Variants in ROBO3 observed in about 807,000 individuals in gnomAD.
ROBO3 encodes the protein roundabout homolog 3.
ROBO3 carries 97 observed loss-of-function variants against 160.5 expected under a neutral mutation model. The ratio of observed to expected loss-of-function variants is 0.60; its 90% CI spans 0.51 to 0.72. ROBO3 has a LOEUF of 0.72. ROBO3 is among the 30% of genes least tolerant of loss of function. The probability of loss-of-function intolerance (pLI) is 0.00; values close to 1 mark genes in which losing one functional copy is unlikely to be tolerated. For synonymous variants in ROBO3, 780 were observed against 746.2 expected (o/e 1.05, Z -0.74); for missense variants, 1,858 against 1,846.5 (o/e 1.01, Z -0.11).
At position 124,880,408 on chromosome 11, in the gene ROBO3, T is replaced by C; in HGVS notation, c.3959-10T>C. 6.2e-7 allele frequency: 1 copy of C among 1,613,050 alleles called. No homozygotes were observed. Among genetic ancestry groups the C allele is most frequent in the Non-Finnish European group, 8.5e-7 (1 of 1,179,496 alleles). ...CCTGCACCTGGCTACCCTTCCCTCT[T>C]GTGCTGCAGAAGAGGCCTGGCTCCC... On this transcript the variant is annotated splice_polypyrimidine_tract_variant and intron_variant, in intron 26 of 27. Coordinates refer to ENST00000397801, the MANE Select transcript of ROBO3 (RefSeq NM_022370.4).
chr11:124,872,874 C>T lies in ROBO3; in HGVS notation c.1331-10C>T, dbSNP rs1946296696. 3 of 1,585,302 alleles carry T rather than the reference C, an allele frequency of 1.9e-6. No individual in the cohort carries two copies. The highest frequency in any genetic ancestry group is 2.3e-5 in the East Asian group (1 of 44,430). On this transcript the variant is annotated splice_polypyrimidine_tract_variant and intron_variant, in intron 8 of 27. Transcript: ENST00000397801. This position sits in a 1 kb window ranked among gnomAD's most constrained non-coding sequence, Gnocchi z 4.3. ...CCTCCCCTGAGGTGCACACGTTCTTCCTCTCTCAGCCTCTTTGGATGGGCT... is the reference window on the plus strand; with the variant it reads ...CCTCCCCTGAGGTGCACACGTTCTTTCTCTCTCAGCCTCTTTGGATGGGCT...
chr11:124,870,750 G>A (rs1447269836), intron 6 of ROBO3, 22 bp downstream of exon 6: 1 of 1,606,338 alleles, frequency 6.2e-7, no homozygotes. Flanking sequence ...ACTTGGGACT[G>A]CCTGCAGCAG....
Position 124,869,749 on chromosome 11 carries a change from A to G in ROBO3, c.645+142A>G. 1 of 1,263,690 alleles carries G rather than the reference A, an allele frequency of 7.9e-7. No homozygotes were observed. The highest frequency in any genetic ancestry group is 1.1e-6 in the Non-Finnish European group (1 of 920,674). The allele number at this position is 1,263,690 out of a possible 1,614,324, so 78.3% of individuals were successfully genotyped here. A position where few individuals can be genotyped will look rare whatever the true frequency, so the allele number is the denominator to read the frequency against. ...TACAGTGAGGGATAAGGAAGACGGAATTGGTATAAAAAAGGGGCGGGGGCA... is the reference window on the plus strand; with the variant it reads ...TACAGTGAGGGATAAGGAAGACGGAGTTGGTATAAAAAAGGGGCGGGGGCA... On this transcript the variant is annotated intron_variant, in intron 3 of 27. Coordinates refer to ENST00000397801, the MANE Select transcript of ROBO3 (RefSeq NM_022370.4). The surrounding 1 kb of genome is among the most constrained non-coding windows in gnomAD (Gnocchi z 4.2).
In ROBO3 at chr11:124,869,851, A is replaced by C; in HGVS notation, c.646-97A>C. ...CTTTATCAGCTTGCTGTGAGGATCA[A>C]ATAAACTTTATACATATGTATATAC... On this transcript the variant is annotated intron_variant, in intron 3 of 27. Transcript: ENST00000397801. This position sits in a 1 kb window ranked among gnomAD's most constrained non-coding sequence, Gnocchi z 4.2. 6.7e-7 allele frequency: 1 copy of C among 1,482,426 alleles called. No individual in the cohort carries two copies. The highest frequency in any genetic ancestry group is 2.5e-5 in the East Asian group (1 of 40,280). The allele number at this position is 1,482,426 out of a possible 1,614,324, so 91.8% of individuals were successfully genotyped here. A position where few individuals can be genotyped will look rare whatever the true frequency, so the allele number is the denominator to read the frequency against.
rs1163063653 is a variant in ROBO3 at position 124,880,538 on chromosome 11, G to T, written c.4079G>T (p.Gly1360Val). ...TCCAGCAGCTCTAGGGGCTCCCGGGGCCCTGGCCGGAGCCGGAGTCGGAGT... is the reference window on the plus strand; with the variant it reads ...TCCAGCAGCTCTAGGGGCTCCCGGGTCCCTGGCCGGAGCCGGAGTCGGAGT... ...RGSSSSRGSR[G>V]PGRSRSRSQS... The change falls in exon 27 of 28, where the codon GGC becomes GTC. Residue 1360 changes from glycine to valine, a missense_variant. By Grantham distance (109) the Gly-to-Val change is moderately radical (BLOSUM62 -3). Coordinates refer to ENST00000397801, the MANE Select transcript of ROBO3 (RefSeq NM_022370.4). The T allele has an allele frequency of 6.4e-7, 1 of 1,551,234 alleles. No individual in the cohort carries two copies. The highest frequency in any genetic ancestry group is 8.7e-7 in the Non-Finnish European group (1 of 1,152,614).
intron 7 of ROBO3, among the ~76,000 whole-genome samples, chr11:124,871,413 A>G (rs1319458158): frequency 1.3e-5 from 2 of 152,238 alleles, no homozygotes; most frequent in Non-Finnish European, 2.9e-5. Context: ...GTTTTGGGCA[A>G]GGCTATCCTG....
intron 27 of ROBO3, 146 bp from the exon 28 acceptor site, chr11:124,881,093 G>A: frequency 1.4e-6 from 1 of 724,248 alleles, no homozygotes; most frequent in Non-Finnish European, 2.4e-6. Context: ...GAAATGACAA[G>A]GGGTGAGGAC....
chr11:124,871,797 G>A (rs576417600), intron 7 of ROBO3, among the ~76,000 whole-genome samples: 1 of 152,304 alleles, frequency 6.6e-6, no homozygotes, highest in South Asian at 2.1e-4. Context: ...CAAATCGACA[G>A]CCACAATTTT....
chr11:124,869,497 G>T lies in ROBO3; in HGVS notation c.535G>T (p.Val179Leu), dbSNP rs1459601491. ...GTCTCCTGGAAACGTGGTGGTGGCA[G>T]TGGGGGAGCCAGCAGTACTGGAATG... is the stretch of plus-strand genomic sequence containing the variant. Reference protein sequence around the residue: ...RQSPGNVVVAVGEPAVLECVP... With the variant: ...RQSPGNVVVALGEPAVLECVP... The change falls in exon 3 of 28, where the codon GTG becomes TTG. Residue 179 changes from valine (V) to leucine (L), a missense_variant. By Grantham distance (32) the Val-to-Leu change is conservative. Coordinates refer to ENST00000397801, the MANE Select transcript of ROBO3 (RefSeq NM_022370.4). The surrounding 1 kb of genome is among the most constrained non-coding windows in gnomAD (Gnocchi z 4.2). 1.3e-6 allele frequency: 2 copies of T among 1,555,470 alleles called. No individual in the cohort carries two copies. The highest frequency in any genetic ancestry group is 4.7e-5 in the East Asian group (2 of 42,114).
intron 19 of ROBO3, 72 bp from the exon 20 acceptor site, chr11:124,877,447 T>C (rs1946415894): frequency 1.3e-6 from 2 of 1,597,226 alleles, no homozygotes; most frequent in Admixed American, 3.4e-5. Flanking sequence ...AACTCCCGAA[T>C]ATCGCCACCT....
chr11:124,872,740 C>T lies in ROBO3; in HGVS notation c.1331-144C>T. 1 of 929,472 alleles carries T rather than the reference C, an allele frequency of 1.1e-6. No individual in the cohort carries two copies. The highest frequency in any genetic ancestry group is 1.6e-6 in the Non-Finnish European group (1 of 636,416). 57.6% of individuals were successfully genotyped at this position (929,472 alleles called of 1,614,324 possible). On this transcript the variant is annotated intron_variant, in intron 8 of 27. Transcript: ENST00000397801. This position sits in a 1 kb window ranked among gnomAD's most constrained non-coding sequence, Gnocchi z 4.3. ...AATGGCTGGTCCTGGGCAGAGACTT[C>T]AGATGATTATCAAAGCCCCCTCTGA...
In ROBO3 at chr11:124,879,548, C is replaced by G. The variant is rs768072375; in HGVS notation, c.3769C>G (p.Pro1257Ala). The G allele has an allele frequency of 8.1e-6, 13 of 1,613,418 alleles. No individual in the cohort carries two copies. The Admixed American group carries it at 2.0e-4, about 25-fold the overall frequency. Residue 1257 changes from proline (P) to alanine (A), a missense_variant, in exon 25 of 28, where the codon CCC becomes GCC. Coordinates refer to ENST00000397801, the MANE Select transcript of ROBO3 (RefSeq NM_022370.4). ...ATTCCGGAAGAAACCCAAGGCTCTTCCCTACAGGAGGGAGAACAGTCCTGG... is the reference window on the plus strand; with the variant it reads ...ATTCCGGAAGAAACCCAAGGCTCTTGCCTACAGGAGGGAGAACAGTCCTGG... Reference protein sequence around the residue: ...ARFRKKPKALPYRRENSPGDL... With the variant: ...ARFRKKPKALAYRRENSPGDL...
Position 124,870,273 on chromosome 11 carries a change from G to T in ROBO3, c.875G>T (p.Arg292Leu). 4 of 1,613,996 alleles carry T rather than the reference G, an allele frequency of 2.5e-6. No individual in the cohort carries two copies. The highest frequency in any genetic ancestry group is 3.4e-6 in the Non-Finnish European group (4 of 1,179,864). The change falls in exon 5 of 28, where the codon CGC becomes CTC. Residue 292 changes from arginine to leucine, a missense_variant. Arg to Leu is a moderately radical substitution (Grantham distance 102). Coordinates refer to ENST00000397801, the MANE Select transcript of ROBO3 (RefSeq NM_022370.4). ...KGDPPPRLRW[R>L]KEDGELPTGR... ...GATCCCCCACCTCGTCTACGCTGGC[G>T]CAAGGAGGATGGGGAACTGCCCACA...
In ROBO3 at chr11:124,881,369, A is replaced by G. The variant is rs1946580125; in HGVS notation, c.*119A>G. The G allele has an allele frequency of 3.0e-6, 3 of 994,850 alleles. No individual in the cohort carries two copies. The highest frequency in any genetic ancestry group is 2.6e-5 in the East Asian group (1 of 38,046). 61.6% of individuals were successfully genotyped at this position (994,850 alleles called of 1,614,324 possible). ...AAGCCCATTGGTTTCCACGATTTCA[A>G]TTGGCTGAGAAGGCAGAGAGCTAGC... On this transcript the variant is annotated 3_prime_UTR_variant, in exon 28 of 28. Coordinates refer to ENST00000397801, the MANE Select transcript of ROBO3 (RefSeq NM_022370.4).
chr11:124,875,033 G>GCCT, intron 13 of ROBO3, 78 bp from the exon 14 acceptor site: 1 of 1,512,354 alleles, frequency 6.6e-7, no homozygotes, highest in South Asian at 1.3e-5. Context: ...GTGGGAGGAG[G>GCCT]GGCTGGGCCT....
In ROBO3 at chr11:124,876,766, A is replaced by C; in HGVS notation, c.2779+306A>C. On this transcript the variant is annotated intron_variant, in intron 17 of 27. Coordinates refer to ENST00000397801, the MANE Select transcript of ROBO3 (RefSeq NM_022370.4). The surrounding 1 kb of genome is among the most constrained non-coding windows in gnomAD (Gnocchi z 5.3). ...AAGTTCGAGGACGGAAAGCCCACTC[A>C]AAGGGCGGGGGGCGGGGCCTGGCAA... The C allele has an allele frequency of 1.4e-5, 4 of 282,684 alleles. No individual in the cohort carries two copies. Among genetic ancestry groups the C allele is most frequent in the Non-Finnish European group, 2.0e-5 (3 of 151,244 alleles). The allele number at this position is 282,684 out of a possible 1,614,324, so 17.5% of individuals were successfully genotyped here.
chr11:124,880,640 C>A, intron 27 of ROBO3, 32 bp downstream of exon 27: 1 of 1,502,618 alleles, frequency 6.7e-7, no homozygotes, highest in Non-Finnish European at 8.9e-7. Context: ...AAAATGAGGG[C>A]AGAGGACTAG....
intron 6 of ROBO3, 93 bp downstream of exon 6, chr11:124,870,821 AG>A (rs1284388591): frequency 1.3e-6 from 2 of 1,557,342 alleles, no homozygotes; most frequent in African/African-American, 2.7e-5. Context: ...AGGGCAGAGA[AG>A]GGCATGTGGA....
chr11:124,880,749 G>GCCCCACC, intron 27 of ROBO3, 141 bp downstream of exon 27: 3 of 997,536 alleles, frequency 3.0e-6, no homozygotes, highest in African/African-American at 1.6e-5. Flanking sequence ...GGGGAGGGAG[G>GCCCCACC]AATCCTGTAG....
Sources: gnomAD v4.1 joint callset for allele counts (sites outside exome capture counted in the v4.1 genomes callset) on GRCh38, gnomAD v4.1.1 for gene constraint, Gnocchi (gnomAD v3.1) non-coding constraint, MANE v1.5 for transcripts, NCBI Gene and HGNC (gene_info 2026-07-23, HGNC 2026-07-21) for gene names.